NDFIP1: variants seen among roughly 807,000 people sequenced by gnomAD.
NDFIP1 encodes Nedd4 family interacting protein 1.
A neutral mutation model predicts 28.8 loss-of-function variants in NDFIP1; 7 were observed. That is an observed-to-expected ratio of 0.24 (90% CI 0.14 to 0.46). The LOEUF (loss-of-function observed/expected upper bound fraction) is 0.46. Among genes scored for constraint, NDFIP1 ranks in the 20% least tolerant of loss-of-function variants. The pLI is 0.99. For synonymous variants in NDFIP1, 92 were observed against 101.0 expected (o/e 0.91, Z 0.53); for missense variants, 194 against 269.1 (o/e 0.72, Z 1.95).
chr5:142,145,953 G>T (rs1488156264), intron 7 of NDFIP1, among the ~76,000 whole-genome samples: 1 of 152,156 alleles, frequency 6.6e-6, no homozygotes, highest in Non-Finnish European at 1.5e-5. Context: ...TATGCTTCAA[G>T]AAAATAAAGC....
intron 6 of NDFIP1, chr5:142,143,587 G>T (rs1024643603): frequency 6.6e-6 from 1 of 152,168 alleles, no homozygotes; most frequent in African/African-American, 2.4e-5. Context: ...GGAAGGCCAG[G>T]AGGAGTATCT....
intron 6 of NDFIP1, chr5:142,142,947 A>T (rs1757351688): frequency 2.1e-5 from 1 of 48,258 alleles, no homozygotes; most frequent in Non-Finnish European, 6.2e-5. Flanking sequence ...AAAAATATAT[A>T]TATATATATA....
At chr5:142,142,938 A>AT (rs1418610556) in intron 6 of NDFIP1, 21 of 81,302 alleles carry the variant, frequency 2.6e-4, no homozygotes, top group African/African-American at 1.2e-3. Flanking sequence ...AAAAAAAAAA[A>AT]AAATATATAT....
chr5:142,144,604 A>G lies in NDFIP1; in HGVS notation c.596A>G (p.Tyr199Cys). The change falls in exon 7 of 8, where the codon TAT becomes TGT. Residue 199 changes from tyrosine to cysteine, a missense_variant. Tyr to Cys is a radical substitution (Grantham distance 194, BLOSUM62 -2). Coordinates refer to ENST00000253814, the MANE Select transcript of NDFIP1 (RefSeq NM_030571.4). ...CTGTTTCTCAGAGGATTTATCAATTATGCAAAAGTTCGGAAGATGCCAGAA... is the reference window on the plus strand; with the variant it reads ...CTGTTTCTCAGAGGATTTATCAATTGTGCAAAAGTTCGGAAGATGCCAGAA... ...FLLFLRGFIN[Y>C]AKVRKMPETF... is the part of the protein sequence containing the mutation. The G allele has an allele frequency of 6.2e-7, 1 of 1,612,982 alleles. No individual in the cohort carries two copies. The highest frequency in any genetic ancestry group is 8.5e-7 in the Non-Finnish European group (1 of 1,179,432).
rs1218380688 is a variant in NDFIP1 at position 142,135,724 on chromosome 5, A to G, written c.283-6A>G. Reference sequence around the variant, plus strand: ...CCTAGAAATAATTCTTTTTCTTTTCATTTAGGATGAGGATTTTGTGGGTCG... The same window carrying G: ...CCTAGAAATAATTCTTTTTCTTTTCGTTTAGGATGAGGATTTTGTGGGTCG... On this transcript the variant is annotated splice_region_variant and splice_polypyrimidine_tract_variant and intron_variant, in intron 3 of 7. Coordinates refer to ENST00000253814, the MANE Select transcript of NDFIP1 (RefSeq NM_030571.4). 6.2e-7 allele frequency: 1 copy of G among 1,610,882 alleles called. No individual in the cohort carries two copies. The highest frequency in any genetic ancestry group is 1.7e-5 in the Admixed American group (1 of 59,864).
chr5:142,147,335 T>G (rs1757399065), intron 7 of NDFIP1, among the ~76,000 whole-genome samples: 1 of 152,190 alleles, frequency 6.6e-6, no homozygotes, highest in African/African-American at 2.4e-5. Flanking sequence ...AGATGTAGAA[T>G]CCCTTCTTTC....
chr5:142,149,689 TCTC>T (rs1757425841), intron 7 of NDFIP1, among the ~76,000 whole-genome samples: 1 of 152,162 alleles, frequency 6.6e-6, no homozygotes, highest in South Asian at 2.1e-4. Context: ...AATTTTTACT[TCTC>T]TTACTGAACA....
chr5:142,150,507 T>G (rs1757434401), intron 7 of NDFIP1, among the ~76,000 whole-genome samples: 1 of 152,004 alleles, frequency 6.6e-6, no homozygotes, highest in Non-Finnish European at 1.5e-5. Flanking sequence ...CCAGTGTGTT[T>G]GTAGTCTCTC....
intron 1 of NDFIP1, among the ~76,000 whole-genome samples, chr5:142,119,870 G>A (rs17098069): frequency 0.16 from 23,927 of 152,048 alleles, 2,658 homozygotes; most frequent in African/African-American, 0.32. Flanking sequence ...AATTGAAAGC[G>A]CTACAGATAA....
chr5:142,153,609 T>A lies in NDFIP1; in HGVS notation c.*1881T>A. ...AGTTTTATGGAAGTTTCTTTGAAGA[T>A]TTTTTTTTTTCCATTTCGAATCAGA... On this transcript the variant is annotated 3_prime_UTR_variant, in exon 8 of 8. Transcript: ENST00000253814. 1 of 149,366 alleles carries A rather than the reference T, an allele frequency of 6.7e-6. No individual in the cohort carries two copies. The highest frequency in any genetic ancestry group is 1.2e-4 in the South Asian group (1 of 8,646). 9.3% of individuals were successfully genotyped at this position (149,366 alleles called of 1,614,324 possible).
chr5:142,149,454 T>A (rs1204354809), intron 7 of NDFIP1, among the ~76,000 whole-genome samples: 2 of 150,454 alleles, frequency 1.3e-5, no homozygotes, highest in Non-Finnish European at 3.0e-5. Context: ...TTTTTTTTTT[T>A]TACAAAGTGA....
At chr5:142,146,958 A>T (rs1037281608) in intron 7 of NDFIP1, among the ~76,000 whole-genome samples, 9 of 152,156 alleles carry the variant, frequency 5.9e-5, no homozygotes, top group African/African-American at 2.2e-4. Flanking sequence ...GTCCTTAGTA[A>T]TAATAATGTT....
At chr5:142,141,168 C>CT (rs1161113130) in intron 6 of NDFIP1, among the ~76,000 whole-genome samples, 13,188 of 59,918 alleles carry the variant, frequency 0.22, 3,133 homozygotes, top group South Asian at 0.33. Flanking sequence ...GGCAAGAGGA[C>CT]TTTTTTTTTT....
At chr5:142,129,898 C>T (rs1178627713) in intron 1 of NDFIP1, among the ~76,000 whole-genome samples, 1 of 108,256 alleles carries the variant, frequency 9.2e-6, no homozygotes, top group Non-Finnish European at 1.8e-5. Context: ...GCAACAAAAG[C>T]GAAACTACAT....
intron 1 of NDFIP1, among the ~76,000 whole-genome samples, chr5:142,109,309 G>A (rs1165191697): frequency 6.6e-6 from 1 of 152,224 alleles, no homozygotes; most frequent in African/African-American, 2.4e-5. Flanking sequence ...GCGGGTCCCT[G>A]AGTCAGAACC....
chr5:142,109,486 A>G (rs1490379127), intron 1 of NDFIP1, among the ~76,000 whole-genome samples: 1 of 152,222 alleles, frequency 6.6e-6, no homozygotes, highest in African/African-American at 2.4e-5. Flanking sequence ...GCAAGATGCT[A>G]TTGCTCAGGG....
At chr5:142,114,261 A>T (rs1487511501) in intron 1 of NDFIP1, among the ~76,000 whole-genome samples, 1 of 152,080 alleles carries the variant, frequency 6.6e-6, no homozygotes, top group African/African-American at 2.4e-5. Flanking sequence ...TAGCCATCTA[A>T]TGGGTGTGAA....
Position 142,117,728 on chromosome 5 carries a change from C to CTTTTTT in NDFIP1, c.63+8704_63+8709dup, listed in dbSNP as rs10699168. On this transcript the variant is annotated intron_variant, in intron 1 of 7. Transcript: ENST00000253814. ...TCAAGTTTGGTGTGTGTTCTACAGG[C>CTTTTTT]TTTTTTTTTTTTTTTTTTGAGACAG... 1.6e-4 allele frequency among the ~76,000 whole-genome samples: 19 copies of CTTTTTT among 116,086 alleles called. 3 individuals carry two copies. The highest frequency in any genetic ancestry group is 5.0e-4 in the East Asian group (2 of 4,008). 76.2% of individuals were successfully genotyped at this position (116,086 alleles called of 152,430 possible). A position where few individuals can be genotyped will look rare whatever the true frequency, so the allele number is the denominator to read the frequency against.
At chr5:142,134,513 A>G (rs1757255512) in intron 3 of NDFIP1, among the ~76,000 whole-genome samples, 1 of 152,214 alleles carries the variant, frequency 6.6e-6, no homozygotes, top group African/African-American at 2.4e-5. Flanking sequence ...GGAAGCTGCC[A>G]TTGCCACCGA....
Sources: allele counts gnomAD v4.1 joint callset (sites outside exome capture counted in the v4.1 genomes callset), GRCh38; gene constraint gnomAD v4.1.1; transcripts MANE v1.5; gene names NCBI Gene and HGNC (gene_info 2026-07-23, HGNC 2026-07-21).